Variants in HNF4G observed in about 807,000 individuals in gnomAD.
HNF4G encodes the protein hepatocyte nuclear factor 4-gamma.
Under a neutral mutation model 50.9 loss-of-function variants are expected in HNF4G, and 21 were observed. The ratio of observed to expected loss-of-function variants is 0.41; its 90% confidence interval spans 0.29 to 0.59. The LOEUF is 0.59. HNF4G is among the 20% of genes least tolerant of loss of function. HNF4G has a pLI of 0.26. For synonymous variants in HNF4G, 198 were observed against 185.6 expected, an observed-to-expected ratio of 1.07 and a Z score of -0.54; for missense variants, 527 against 559.4, an observed-to-expected ratio of 0.94 and a Z score of 0.58.
chr8:75,409,504 T>TTC (rs1554564305), intron 1 of HNF4G, among the ~76,000 whole-genome samples: 33 of 118,336 alleles, frequency 2.8e-4, no homozygotes, highest in African/African-American at 9.6e-4. Flanking sequence ...TTTTTTTTTT[T>TTC]CCGAGATGAA....
At chr8:75,544,568 G>A (rs1041319883) in intron 2 of HNF4G, among the ~76,000 whole-genome samples, 2 of 151,012 alleles carry the variant, frequency 1.3e-5, no homozygotes, top group Non-Finnish European at 3.0e-5. Context: ...CATATTTTTT[G>A]TCATTAAATT....
In HNF4G at chr8:75,566,767, G is replaced by A. The variant is rs1162961842; in HGVS notation, c.*2671G>A. On this transcript the variant is annotated 3_prime_UTR_variant, in exon 10 of 10. Coordinates refer to ENST00000396423, the MANE Select transcript of HNF4G (RefSeq NM_004133.5). The stretch of plus-strand genomic sequence containing the variant: ...CATGTTAAATTATAGTGAGATTAAA[G>A]TATTACTAAACTGTGATGCTATGTT... 6.6e-6 allele frequency: 1 copy of A among 151,900 alleles called. No homozygotes were observed. The highest frequency in any genetic ancestry group is 1.5e-5 in the Non-Finnish European group (1 of 67,954). 9.4% of individuals were successfully genotyped at this position (151,900 alleles called of 1,614,324 possible).
rs555139355 is a variant in HNF4G at position 75,415,951 on chromosome 8, C to T, written c.-144+7789C>T. Among the ~76,000 whole-genome samples the T allele has an allele frequency of 1.9e-3, 290 of 152,124 alleles. 1 individual carries two copies. Among genetic ancestry groups the T allele is most frequent in the Non-Finnish European group, 3.1e-3 (209 of 68,000 alleles). The stretch of plus-strand genomic sequence containing the variant: ...TCTGATAAAGTTTGGGTTGTATACC[C>T]GTACTTTAAAAATGACAATTCACAG... On this transcript the variant is annotated intron_variant, in intron 1 of 10. Coordinates refer to the HNF4G transcript ENST00000354370.
At chr8:75,551,303 A>G (rs1806945411) in intron 3 of HNF4G, 85 bp from the exon 4 acceptor site, 2 of 704,744 alleles carry the variant, frequency 2.8e-6, no homozygotes, top group East Asian at 5.4e-5. Context: ...CACTTTTTTT[A>G]CTTAAAAAAA....
At chr8:75,425,194 C>T (rs1156583933) in intron 1 of HNF4G, among the ~76,000 whole-genome samples, 1 of 151,954 alleles carries the variant, frequency 6.6e-6, no homozygotes, top group Admixed American at 6.6e-5. Flanking sequence ...AAGTGATTCT[C>T]CCGTCTCAGC....
At chr8:75,492,210 G>A (rs571241622) in intron 2 of HNF4G, among the ~76,000 whole-genome samples, 68 of 152,122 alleles carry the variant, frequency 4.5e-4, no homozygotes, top group Non-Finnish European at 8.4e-4. Flanking sequence ...AAATGCCACC[G>A]CCCCACACTG....
Position 75,563,892 on chromosome 8 carries a change from T to C in HNF4G, c.1247-83T>C, listed in dbSNP as rs1283062131. On this transcript the variant is annotated intron_variant, in intron 9 of 9. Coordinates refer to ENST00000396423, the MANE Select transcript of HNF4G (RefSeq NM_004133.5). ...TAAAAACATTTCCAAATTACGCTAA[T>C]GTGTATTGGTGTTATGTAGGGTTTA... The C allele has an allele frequency of 4.2e-6, 6 of 1,418,682 alleles. No homozygotes were observed. The Admixed American group carries it at 6.3e-5, about 15-fold the overall frequency. 87.9% of individuals were successfully genotyped at this position (1,418,682 alleles called of 1,614,324 possible). A position where few individuals can be genotyped will look rare whatever the true frequency, so the allele number is the denominator to read the frequency against.
chr8:75,534,721 C>T (rs1806415112), intron 2 of HNF4G, among the ~76,000 whole-genome samples: 2 of 151,810 alleles, frequency 1.3e-5, no homozygotes, highest in African/African-American at 2.4e-5. Context: ...TTAGATTTTA[C>T]TGTCAAATGG....
intron 1 of HNF4G, among the ~76,000 whole-genome samples, chr8:75,422,903 C>G (rs1333365072): frequency 6.6e-6 from 1 of 152,170 alleles, no homozygotes; most frequent in Non-Finnish European, 1.5e-5. Flanking sequence ...GCTCTAAATG[C>G]TTTATCAGCA....
At chr8:75,501,516 C>T (rs964873415) in intron 2 of HNF4G, among the ~76,000 whole-genome samples, 1 of 152,012 alleles carries the variant, frequency 6.6e-6, no homozygotes, top group African/African-American at 2.4e-5. Flanking sequence ...AAATGTACTC[C>T]AAAACACACA....
intron 1 of HNF4G, among the ~76,000 whole-genome samples, chr8:75,419,055 A>G (rs1308071095): frequency 6.6e-6 from 1 of 152,092 alleles, no homozygotes; most frequent in African/African-American, 2.4e-5. Context: ...TTTAAAAAAT[A>G]ATTTTTGCCT....
intron 1 of HNF4G, among the ~76,000 whole-genome samples, chr8:75,455,841 T>G (rs2130592259): frequency 6.6e-6 from 1 of 152,252 alleles, no homozygotes; most frequent in Non-Finnish European, 1.5e-5. Flanking sequence ...GTGGTAGCAG[T>G]TTGCATACTT....
chr8:75,558,857 A>T lies in HNF4G; in HGVS notation c.943A>T (p.Ile315Phe). Residue 315 changes from isoleucine to phenylalanine, a missense_variant, in exon 8 of 10, where the codon ATC (isoleucine) becomes TTC (phenylalanine). Ile to Phe is a conservative substitution (Grantham distance 21, BLOSUM62 0). This residue lies in a region of HNF4G where 308 missense variants were observed against 301.5 expected (regional missense o/e 1.02). Coordinates refer to ENST00000396423, the MANE Select transcript of HNF4G (RefSeq NM_004133.5). ...TAAGAACATGAGGTTCCAAGTGCAG[A>T]TCGGTTTGGAGGACTACATCAATGA... The part of the protein sequence containing the change: ...KIKNMRFQVQ[I>F]GLEDYINDRQ... 1 of 1,614,072 alleles carries T rather than the reference A, an allele frequency of 6.2e-7. No individual in the cohort carries two copies. Among genetic ancestry groups the T allele is most frequent in the Non-Finnish European group, 8.5e-7 (1 of 1,180,000 alleles).
chr8:75,447,832 GT>G (rs1286417209), intron 1 of HNF4G, among the ~76,000 whole-genome samples: 2 of 90,254 alleles, frequency 2.2e-5, no homozygotes, highest in African/African-American at 8.8e-5. Context: ...TACACTGTTG[GT>G]GGGACTGTAA....
intron 2 of HNF4G, among the ~76,000 whole-genome samples, chr8:75,492,010 C>T (rs1230517283): frequency 6.6e-6 from 1 of 152,200 alleles, no homozygotes; most frequent in Non-Finnish European, 1.5e-5. Context: ...CAGGTTTACT[C>T]CAGAGCTGTG....
intron 1 of HNF4G, among the ~76,000 whole-genome samples, chr8:75,457,990 T>C (rs1811761383): frequency 1.3e-5 from 2 of 152,076 alleles, no homozygotes. Context: ...TTTAATTTTT[T>C]GTAGAGGCAA....
In HNF4G at chr8:75,438,733, A is replaced by G. The variant is rs185153445; in HGVS notation, c.-144+30571A>G. On this transcript the variant is annotated intron_variant, in intron 1 of 10. Transcript: ENST00000354370. The stretch of plus-strand genomic sequence containing the variant: ...TTTCAAAAGTAAAAACAATATATAT[A>G]AAAGAATTACAACAGGACTCACACT... Among the ~76,000 whole-genome samples the G allele has an allele frequency of 2.1e-3, 323 of 152,238 alleles. 2 individuals are homozygous for G. The highest frequency in any genetic ancestry group is 7.5e-3 in the African/African-American group (313 of 41,568).
At chr8:75,456,782 C>A (rs897938546) in intron 1 of HNF4G, among the ~76,000 whole-genome samples, 1 of 151,948 alleles carries the variant, frequency 6.6e-6, no homozygotes, top group South Asian at 2.1e-4. Flanking sequence ...ACTCTATTGC[C>A]TAGGCTGGAG....
chr8:75,560,434 C>A lies in HNF4G; in HGVS notation c.1214C>A (p.Pro405His). The change falls in exon 9 of 10, where the codon CCC becomes CAC. Residue 405 changes from proline (P) to histidine (H), a missense_variant. By Grantham distance (77) the Pro-to-His change is moderately conservative. Transcript: ENST00000396423. ...PLTGQTILLG[P>H]MSTLVHADQI... ...ACTGGACAAACTATACTTTTAGGTC[C>A]CATGTCAACACTGGTTCATGCAGAC... 6.2e-7 allele frequency: 1 copy of A among 1,613,066 alleles called. No homozygotes were observed. The highest frequency in any genetic ancestry group is 8.5e-7 in the Non-Finnish European group (1 of 1,179,282).
Sources: gnomAD v4.1 joint callset for allele counts (sites outside exome capture counted in the v4.1 genomes callset) on GRCh38, gnomAD v4.1.1 for gene constraint, gnomAD v4.1.1 regional missense constraint, MANE v1.5 for transcripts, NCBI Gene and HGNC (gene_info 2026-07-23, HGNC 2026-07-21) for gene names.